SLC2A5: variants seen among roughly 807,000 people sequenced by gnomAD.
SLC2A5 encodes the protein solute carrier family 2, facilitated glucose transporter member 5.
SLC2A5 carries 56 observed loss-of-function variants against 50.3 expected under a neutral mutation model. The observed-to-expected ratio is 1.11, with a 90% CI of 0.90 to 1.39. The LOEUF is 1.39. SLC2A5 is among the 40% of genes most tolerant of loss of function. The pLI, the probability that SLC2A5 is intolerant of heterozygous loss-of-function variation, is 0.00. For missense variants in SLC2A5, 566 were observed against 650.1 expected, an observed-to-expected ratio of 0.87 and a Z score of 1.41; for synonymous variants, 269 against 281.9, an observed-to-expected ratio of 0.95 and a Z score of 0.46.
Position 9,037,754 on chromosome 1 carries a change from G to T in SLC2A5, c.1338C>A (p.Ala446=). Residue 446 remains alanine (A), a synonymous_variant, in exon 12 of 12, where the codon GCC becomes GCA. Coordinates refer to ENST00000377424, the MANE Select transcript of SLC2A5 (RefSeq NM_003039.3). ...AGATGGTGGTGAGGAGGCAGATCAC[G>T]GCGAAGACAATGAAGCTGTACGGGC... ...GLGPYSFIVF[A]VICLLTTIYI... is the part of the protein sequence containing the mutation. 6.2e-7 allele frequency: 1 copy of T among 1,614,172 alleles called. No individual in the cohort carries two copies. Among genetic ancestry groups the T allele is most frequent in the Non-Finnish European group, 8.5e-7 (1 of 1,180,032 alleles).
At chr1:9,055,661 A>G (rs1641732660) in intron 3 of SLC2A5, among the ~76,000 whole-genome samples, 1 of 152,088 alleles carries the variant, frequency 6.6e-6, no homozygotes, top group Admixed American at 6.6e-5. Context: ...CACCTCTGTC[A>G]TCTCAGCACT....
chr1:9,057,292 TAAAAA>T (rs760221358), intron 3 of SLC2A5, among the ~76,000 whole-genome samples, 151 bp downstream of exon 3: 1 of 103,436 alleles, frequency 9.7e-6, no homozygotes, highest in African/African-American at 3.8e-5. Context: ...TCTCAAAAAT[TAAAAA>T]AAAAAAAAAA....
At chr1:9,058,277 A>G in intron 1 of SLC2A5, 27 bp from the exon 2 acceptor site, 1 of 1,563,422 alleles carries the variant, frequency 6.4e-7, no homozygotes, top group South Asian at 1.1e-5. Context: ...TTAGGTCAGG[A>G]AGCAGCCCCA....
intron 1 of SLC2A5, among the ~76,000 whole-genome samples, chr1:9,086,023 G>A (rs964322811): frequency 6.6e-6 from 1 of 152,156 alleles, no homozygotes; most frequent in Non-Finnish European, 1.5e-5. Context: ...CAGGTCCTCT[G>A]TTGACTGCTG....
At chr1:9,083,550 C>T (rs1487656623) in intron 2 of SLC2A5, among the ~76,000 whole-genome samples, 5 of 152,182 alleles carry the variant, frequency 3.3e-5, no homozygotes, top group African/African-American at 9.7e-5. Context: ...CTGCGGGGTT[C>T]GGTGGCTCAT....
chr1:9,042,664 G>T (rs999447276), intron 4 of SLC2A5, among the ~76,000 whole-genome samples: 1 of 151,058 alleles, frequency 6.6e-6, no homozygotes, highest in Admixed American at 6.6e-5. Context: ...GGGTGTGTGT[G>T]TGTGTGTGTA....
intron 2 of SLC2A5, among the ~76,000 whole-genome samples, chr1:9,083,820 C>T (rs1457107337): frequency 2.0e-5 from 3 of 150,882 alleles, no homozygotes; most frequent in African/African-American, 7.3e-5. Context: ...AGTGAAACTC[C>T]ATATCAAAAC....
At chr1:9,065,579 G>A (rs979743328) in intron 1 of SLC2A5, among the ~76,000 whole-genome samples, 8 of 152,190 alleles carry the variant, frequency 5.3e-5, no homozygotes, top group Non-Finnish European at 1.0e-4. Flanking sequence ...GATGAGCATC[G>A]TCAGCCGCTG....
At chr1:9,080,611 G>A (rs1049348045) in intron 2 of SLC2A5, among the ~76,000 whole-genome samples, 1 of 152,108 alleles carries the variant, frequency 6.6e-6, no homozygotes, top group Non-Finnish European at 1.5e-5. Context: ...TTTCACATTC[G>A]TGTTGGCCGT....
intron 2 of SLC2A5, among the ~76,000 whole-genome samples, chr1:9,082,296 T>C (rs1296993707): frequency 1.3e-5 from 2 of 152,178 alleles, no homozygotes; most frequent in Middle Eastern, 3.2e-3. Flanking sequence ...AGCGAATACA[T>C]GTACACATAT....
chr1:9,056,216 G>A lies in SLC2A5; in HGVS notation c.293+1232C>T, dbSNP rs145511369. 2.7e-3 allele frequency among the ~76,000 whole-genome samples: 416 copies of A among 152,146 alleles called. 5 individuals carry two copies. Among genetic ancestry groups the A allele is most frequent in the African/African-American group, 9.7e-3 (402 of 41,528 alleles). ...TGTTTGTTTTTTGAGACGGAGTTTC[G>A]CTCTTGTTGCCCAGGCTGGAGTGCG... On this transcript the variant is annotated intron_variant, in intron 3 of 11. Transcript: ENST00000377424.
In SLC2A5 at chr1:9,041,897, C is replaced by T. The variant is rs1433420767; in HGVS notation, c.459G>A (p.Leu153=). 2 of 1,613,684 alleles carry T rather than the reference C, an allele frequency of 1.2e-6. No individual in the cohort carries two copies. Among genetic ancestry groups the T allele is most frequent in the East Asian group, 2.2e-5 (1 of 44,872 alleles). ...GAGCCCCCCGCAGGTTTTTAGGGGC[C>T]AGCTCCCCTAAGTACATGGGGACCA... is the stretch of plus-strand genomic sequence containing the variant. ...SNVVPMYLGE[L]APKNLRGALG... The change falls in exon 5 of 12, where the codon CTG becomes CTA. Residue 153 remains leucine, a synonymous_variant. Transcript: ENST00000377424.
intron 1 of SLC2A5, among the ~76,000 whole-genome samples, chr1:9,068,449 C>CTTT: frequency 8.5e-6 from 1 of 117,384 alleles, no homozygotes; most frequent in South Asian, 2.9e-4. Context: ...CAGGCCCACT[C>CTTT]TTTTTTTTTT....
In SLC2A5 at chr1:9,069,625, A is replaced by G; in HGVS notation, c.-89T>C. The G allele has an allele frequency of 6.7e-7, 1 of 1,489,950 alleles. No individual in the cohort carries two copies. The highest frequency in any genetic ancestry group is 2.3e-5 in the East Asian group (1 of 44,130). The allele number at this position is 1,489,950 out of a possible 1,614,324, so 92.3% of individuals were successfully genotyped here. A position where few individuals can be genotyped will look rare whatever the true frequency, so the allele number is the denominator to read the frequency against. On this transcript the variant is annotated 5_prime_UTR_variant, in exon 1 of 12. Transcript: ENST00000377424. ...TGGAGAGAGAAGACATTCTGGGTGC[A>G]CTTTGGCCATGCCAAATAACAGCCA...
At chr1:9,082,839 T>C (rs964385114) in intron 2 of SLC2A5, 9 of 387,248 alleles carry the variant, frequency 2.3e-5, no homozygotes, top group Admixed American at 6.9e-5. Context: ...GTGGGCATTC[T>C]AGCAGCAGTT....
At chr1:9,042,033 G>C (rs1365031095) in intron 4 of SLC2A5, 96 bp from the exon 5 acceptor site, 2 of 1,434,246 alleles carry the variant, frequency 1.4e-6, no homozygotes, top group Non-Finnish European at 1.8e-6. Flanking sequence ...AACATTATTT[G>C]GGCCAGAACT....
intron 3 of SLC2A5, among the ~76,000 whole-genome samples, chr1:9,054,593 A>G (rs948065870): frequency 6.6e-6 from 1 of 152,168 alleles, no homozygotes; most frequent in African/African-American, 2.4e-5. Context: ...AAAACACCAG[A>G]TCTATCTGGA....
intron 1 of SLC2A5, 43 bp from the exon 2 acceptor site, chr1:9,058,293 C>T: frequency 2.2e-6 from 3 of 1,358,164 alleles, no homozygotes; most frequent in Non-Finnish European, 3.2e-6. Context: ...CCCCAGGGTT[C>T]CAGGGCCCTC....
intron 1 of SLC2A5, among the ~76,000 whole-genome samples, chr1:9,063,449 T>C (rs1259127560): frequency 1.3e-5 from 2 of 152,052 alleles, no homozygotes; most frequent in East Asian, 3.9e-4. Flanking sequence ...CTCAGCTCAC[T>C]GTAGCCTCCA....
Sources: gnomAD v4.1 joint callset for allele counts (sites outside exome capture counted in the v4.1 genomes callset) on GRCh38, gnomAD v4.1.1 for gene constraint, MANE v1.5 for transcripts, NCBI Gene and HGNC (gene_info 2026-07-23, HGNC 2026-07-21) for gene names.